The following ULK4 variants were observed in gnomAD, a reference collection of about 807,000 sequenced individuals.
ULK4 encodes the protein unc-51 like kinase 4.
ULK4 carries 133 observed loss-of-function variants against 160.6 expected under a neutral mutation model. The observed-to-expected ratio is 0.83, with a 90% confidence interval of 0.72 to 0.96. ULK4 has a LOEUF of 0.96. ULK4 is among the 40% of genes least tolerant of loss of function. The pLI, the probability that ULK4 is intolerant of heterozygous loss-of-function variation, is 0.00. For synonymous variants in ULK4, 534 were observed against 539.8 expected (o/e 0.99, Z 0.15); for missense variants, 1,580 against 1,499.5 (o/e 1.05, Z -0.89).
intron 22 of ULK4, among the ~76,000 whole-genome samples, chr3:41,733,167 A>ATT (rs1474543748): frequency 6.6e-6 from 1 of 152,156 alleles, no homozygotes; most frequent in Non-Finnish European, 1.5e-5. Context: ...ATATACCCTA[A>ATT]TTTGATCATT....
intron 22 of ULK4, among the ~76,000 whole-genome samples, chr3:41,753,130 G>A (rs903673269): frequency 3.3e-5 from 5 of 152,118 alleles, no homozygotes; most frequent in South Asian, 2.1e-4. Flanking sequence ...TGAGAGGATC[G>A]CTTGGGCCTG....
At chr3:41,609,276 C>T (rs1162950937) in intron 31 of ULK4, among the ~76,000 whole-genome samples, 1 of 151,890 alleles carries the variant, frequency 6.6e-6, no homozygotes, top group East Asian at 1.9e-4. Context: ...TTAGTTCAGC[C>T]CATTTATTCA....
intron 17 of ULK4, among the ~76,000 whole-genome samples, chr3:41,865,270 TTAAAAAAAAAAAAA>T (rs1231573616): frequency 4.4e-4 from 29 of 65,624 alleles, no homozygotes; most frequent in South Asian, 3.7e-3. Context: ...GACTCTGTCT[TTAAAAAAAAAAAAA>T]AAAAAAAAAA....
intron 29 of ULK4, among the ~76,000 whole-genome samples, chr3:41,668,878 T>C (rs771306257): frequency 3.3e-5 from 5 of 152,334 alleles, no homozygotes; most frequent in Middle Eastern, 3.4e-3. Flanking sequence ...AAAATACTTA[T>C]ACTCTTAAAG....
chr3:41,510,970 G>A (rs1226284908), intron 32 of ULK4, among the ~76,000 whole-genome samples: 1 of 151,916 alleles, frequency 6.6e-6, no homozygotes, highest in African/African-American at 2.4e-5. Context: ...AGACCATCCT[G>A]GCTAACACGG....
intron 35 of ULK4, among the ~76,000 whole-genome samples, chr3:41,357,763 A>G (rs1395810189): frequency 1.3e-5 from 2 of 152,182 alleles, no homozygotes; most frequent in Admixed American, 1.3e-4. Flanking sequence ...TGTACCTCCA[A>G]AAGGAGACAT....
At chr3:41,919,113 A>C (rs1716977) in intron 6 of ULK4, among the ~76,000 whole-genome samples, 140,184 of 152,016 alleles carry the variant, frequency 0.92, 65,627 homozygotes, top group East Asian at 1. Context: ...GGCCATTCAA[A>C]TCATCTGAAT....
chr3:41,870,765 T>C (rs937738468), intron 17 of ULK4, among the ~76,000 whole-genome samples: 2 of 152,190 alleles, frequency 1.3e-5, no homozygotes, highest in African/African-American at 2.4e-5. Flanking sequence ...ATCTCCCTCA[T>C]ACAATCCTTA....
rs539119832 is a variant in ULK4 at position 41,484,687 on chromosome 3, T to C, written c.3227-21434A>G. Among the ~76,000 whole-genome samples, 688 of 151,854 alleles carry C rather than the reference T, an allele frequency of 4.5e-3. 5 individuals carry two copies. The highest frequency in any genetic ancestry group is 0.017 in the Middle Eastern group (5 of 294). The stretch of plus-strand genomic sequence containing the variant: ...CAGGATGGTCTTGATCTCCTGACCT[T>C]ATGATCCGCCCACCTTGGCCTCCCA... On this transcript the variant is annotated intron_variant, in intron 32 of 36. Coordinates refer to ENST00000301831, the MANE Select transcript of ULK4 (RefSeq NM_017886.4).
intron 35 of ULK4, among the ~76,000 whole-genome samples, chr3:41,391,424 ACAAGT>A (rs1261526575): frequency 6.6e-6 from 1 of 152,148 alleles, no homozygotes; most frequent in African/African-American, 2.4e-5. Context: ...CTTTAAGAAT[ACAAGT>A]CAAGAATGGA....
At chr3:41,673,291 C>T (rs2035598101) in intron 29 of ULK4, among the ~76,000 whole-genome samples, 1 of 152,064 alleles carries the variant, frequency 6.6e-6, no homozygotes, top group Non-Finnish European at 1.5e-5. Flanking sequence ...CAATACAGAA[C>T]CACCCCGATG....
chr3:41,291,140 C>T (rs1190809398), intron 35 of ULK4, among the ~76,000 whole-genome samples: 2 of 152,046 alleles, frequency 1.3e-5, no homozygotes, highest in Admixed American at 1.3e-4. Context: ...TTTCACTCTC[C>T]TAACCTTTCA....
At chr3:41,821,347 CCTA>C (rs3044172) in intron 18 of ULK4, among the ~76,000 whole-genome samples, 38,590 of 151,858 alleles carry the variant, frequency 0.25, 6,051 homozygotes, top group African/African-American at 0.45. Context: ...CATCTCCAGA[CCTA>C]CTATTTCTCT....
intron 32 of ULK4, among the ~76,000 whole-genome samples, chr3:41,503,879 A>G (rs2085293072): frequency 6.6e-6 from 1 of 152,208 alleles, no homozygotes; most frequent in South Asian, 2.1e-4. Context: ...AAGAGCTAGA[A>G]CTAGAAATGT....
chr3:41,850,057 TGGTGTTTG>T (rs2042172533), intron 17 of ULK4, among the ~76,000 whole-genome samples: 1 of 152,100 alleles, frequency 6.6e-6, no homozygotes, highest in African/African-American at 2.4e-5. Flanking sequence ...TGAGAACATG[TGGTGTTTG>T]GTTTTTCGTC....
At position 41,246,999 on chromosome 3, in the gene ULK4, G is replaced by A; in HGVS notation, c.3765-7C>T. 6.2e-7 allele frequency: 1 copy of A among 1,613,518 alleles called. No individual in the cohort carries two copies. The highest frequency in any genetic ancestry group is 8.5e-7 in the Non-Finnish European group (1 of 1,179,782). On this transcript the variant is annotated splice_region_variant and splice_polypyrimidine_tract_variant and intron_variant, in intron 36 of 36. Coordinates refer to ENST00000301831, the MANE Select transcript of ULK4 (RefSeq NM_017886.4). Reference sequence around the variant, plus strand: ...CGCACTGTCGGCAAATGAACTGTAAGAAAAACCAAAGTAGGTACACTTAAT... The same window carrying A: ...CGCACTGTCGGCAAATGAACTGTAAAAAAAACCAAAGTAGGTACACTTAAT...
chr3:41,932,107 ATTC>A (rs1347144952), intron 4 of ULK4, 101 bp from the exon 5 acceptor site: 1 of 996,152 alleles, frequency 1.0e-6, no homozygotes, highest in African/African-American at 1.6e-5. Flanking sequence ...CAGCATTGCT[ATTC>A]TTTATCAGAA....
chr3:41,555,623 G>A (rs577626612), intron 32 of ULK4, among the ~76,000 whole-genome samples: 148 of 152,288 alleles, frequency 9.7e-4, no homozygotes, highest in Admixed American at 1.6e-3. Flanking sequence ...ATTCCTCAAA[G>A]ACTCAAATAT....
At chr3:41,411,186 A>G (rs564178127) in intron 34 of ULK4, among the ~76,000 whole-genome samples, 2 of 152,300 alleles carry the variant, frequency 1.3e-5, no homozygotes, top group Admixed American at 1.3e-4. Context: ...GAACATCTGA[A>G]TGGTCTTCAT....
Sources: gnomAD v4.1 joint callset for allele counts (sites outside exome capture counted in the v4.1 genomes callset) on GRCh38, gnomAD v4.1.1 for gene constraint, MANE v1.5 for transcripts, NCBI Gene and HGNC (gene_info 2026-07-23, HGNC 2026-07-21) for gene names.